The following GPR63 variants were observed in gnomAD, a reference collection of about 807,000 sequenced individuals.
GPR63 encodes G protein-coupled receptor 63, also known as probable G protein-coupled receptor 63.
In GPR63, 12 loss-of-function variants were observed where a neutral mutation model predicts 23.1. The observed-to-expected ratio is 0.52, with a 90% CI of 0.33 to 0.84. The LOEUF is 0.84. GPR63 is among the 40% of genes least tolerant of loss of function. The probability of loss-of-function intolerance (pLI) is 0.02; values close to 1 mark genes in which losing one functional copy is unlikely to be tolerated. For missense variants in GPR63, 472 were observed against 515.6 expected (o/e 0.92, Z 0.82); for synonymous variants, 172 against 191.1 (o/e 0.90, Z 0.82).
intron 1 of GPR63, among the ~76,000 whole-genome samples, chr6:96,819,931 G>C (rs1201163663): frequency 7.5e-6 from 1 of 134,186 alleles, no homozygotes; most frequent in Admixed American, 8.3e-5. Context: ...AGCTGATATC[G>C]CTCACTGCAC....
chr6:96,798,624 T>A lies in GPR63; in HGVS notation c.1108A>T (p.Ile370Phe), dbSNP rs1417061282. Residue 370 changes from isoleucine (I) to phenylalanine (F), a missense_variant, in exon 2 of 2, where the codon ATC becomes TTC. Coordinates refer to ENST00000229955, the MANE Select transcript of GPR63 (RefSeq NM_030784.4). The part of the protein sequence containing the change: ...CYLKSALNPL[I>F]YYWRIKKFHD... ...AATTTCTTAATCCTCCAGTAGTAGATCAGCGGATTCAATGCAGACTTGAGG... is the reference window on the plus strand; with the variant it reads ...AATTTCTTAATCCTCCAGTAGTAGAACAGCGGATTCAATGCAGACTTGAGG... The A allele has an allele frequency of 6.2e-7, 1 of 1,614,188 alleles. No individual in the cohort carries two copies. Among genetic ancestry groups the A allele is most frequent in the South Asian group, 1.1e-5 (1 of 91,084 alleles).
Position 96,799,572 on chromosome 6 carries a change from T to C in GPR63, c.160A>G (p.Thr54Ala). 1 of 1,614,122 alleles carries C rather than the reference T, an allele frequency of 6.2e-7. No individual in the cohort carries two copies. The highest frequency in any genetic ancestry group is 8.5e-7 in the Non-Finnish European group (1 of 1,180,010). Residue 54 changes from threonine (T) to alanine (A), a missense_variant, in exon 2 of 2, where the codon ACT becomes GCT. Coordinates refer to ENST00000229955, the MANE Select transcript of GPR63 (RefSeq NM_030784.4). ...TTCACGGTCAAGGAACTCAAACCAG[T>C]GGGAGCCATGGTTTCAAAACTATAT... ...LRYSFETMAP[T>A]GLSSLTVNST...
chr6:96,812,462 C>T (rs1458184080), intron 1 of GPR63, among the ~76,000 whole-genome samples: 1 of 152,116 alleles, frequency 6.6e-6, no homozygotes, highest in African/African-American at 2.4e-5. Context: ...TCAGGAAGGG[C>T]TCTGGTTCAG....
At chr6:96,815,346 C>G (rs905166467) in intron 1 of GPR63, among the ~76,000 whole-genome samples, 1 of 152,166 alleles carries the variant, frequency 6.6e-6, no homozygotes, top group Non-Finnish European at 1.5e-5. Context: ...GGCTCTGATT[C>G]TACTTATAGG....
Position 96,798,652 on chromosome 6 carries a change from G to A in GPR63, c.1080C>T (p.Cys360=). 1 of 1,614,202 alleles carries A rather than the reference G, an allele frequency of 6.2e-7. No homozygotes were observed. The highest frequency in any genetic ancestry group is 2.2e-5 in the East Asian group (1 of 44,884). The part of the protein sequence containing the change: ...FEISTWLLWL[C]YLKSALNPLI... ...GCGGATTCAATGCAGACTTGAGGTAGCAGAGCCACAGTAGCCAGGTGCTAA... is the reference window on the plus strand; with the variant it reads ...GCGGATTCAATGCAGACTTGAGGTAACAGAGCCACAGTAGCCAGGTGCTAA... The change falls in exon 2 of 2, where the codon TGC becomes TGT. Residue 360 remains cysteine (C), a synonymous_variant. Transcript: ENST00000229955.
At chr6:96,808,347 T>C (rs1335332692) in intron 1 of GPR63, among the ~76,000 whole-genome samples, 2 of 152,236 alleles carry the variant, frequency 1.3e-5, no homozygotes, top group Admixed American at 1.3e-4. Flanking sequence ...TTAACAGTGC[T>C]GAATTTGCTC....
chr6:96,806,176 C>A (rs1582252724), intron 1 of GPR63, among the ~76,000 whole-genome samples: 1 of 152,136 alleles, frequency 6.6e-6, no homozygotes, highest in East Asian at 1.9e-4. Flanking sequence ...GTGGCAAATA[C>A]CCTATGCATG....
At chr6:96,829,874 CAT>C (rs1161515735) in intron 1 of GPR63, among the ~76,000 whole-genome samples, 1 of 151,804 alleles carries the variant, frequency 6.6e-6, no homozygotes, top group Non-Finnish European at 1.5e-5. Flanking sequence ...TAAAAATGAA[CAT>C]GTTAGAAACA....
chr6:96,828,961 T>C (rs1774511041), intron 1 of GPR63, among the ~76,000 whole-genome samples: 1 of 152,108 alleles, frequency 6.6e-6, no homozygotes, highest in East Asian at 1.9e-4. Context: ...CACAAAAATA[T>C]TTAAAAATCT....
rs1019220784 is a variant in GPR63, at chr6:96,795,300, C to G, written c.*3172G>C. The stretch of plus-strand genomic sequence containing the variant: ...GCTTCTTACTAGCCAGAAGGAAAAA[C>G]AGGCAAACAAAAAACCATTTCTGAT... On this transcript the variant is annotated 3_prime_UTR_variant, in exon 2 of 2. Coordinates refer to ENST00000229955, the MANE Select transcript of GPR63 (RefSeq NM_030784.4). The G allele has an allele frequency of 6.6e-6, 1 of 152,164 alleles. No homozygotes were observed. The highest frequency in any genetic ancestry group is 6.5e-5 in the Admixed American group (1 of 15,270). The allele number at this position is 152,164 out of a possible 1,614,324, so 9.4% of individuals were successfully genotyped here. A position where few individuals can be genotyped will look rare whatever the true frequency, so the allele number is the denominator to read the frequency against.
chr6:96,834,639 G>T (rs932273977), intron 1 of GPR63, among the ~76,000 whole-genome samples: 7 of 150,778 alleles, frequency 4.6e-5, no homozygotes, highest in Non-Finnish European at 1.0e-4. Flanking sequence ...ACACATTTCT[G>T]GTAAACAGCT....
intron 1 of GPR63, among the ~76,000 whole-genome samples, chr6:96,824,782 T>C (rs1415571239): frequency 6.6e-6 from 1 of 152,112 alleles, no homozygotes; most frequent in Non-Finnish European, 1.5e-5. Flanking sequence ...GGTTTCCCAC[T>C]GATAGTGTCG....
At chr6:96,834,286 T>C (rs2127963425) in intron 1 of GPR63, among the ~76,000 whole-genome samples, 1 of 152,312 alleles carries the variant, frequency 6.6e-6, no homozygotes, top group African/African-American at 2.4e-5. Context: ...TCATTTGGAA[T>C]GTTCTCATGT....
intron 1 of GPR63, among the ~76,000 whole-genome samples, chr6:96,800,315 C>T (rs1054841491): frequency 1.3e-5 from 2 of 151,992 alleles, no homozygotes; most frequent in African/African-American, 4.8e-5. Context: ...CAAGTTCTTA[C>T]TCTAATTTTA....
intron 1 of GPR63, among the ~76,000 whole-genome samples, chr6:96,832,311 C>T (rs1774605958): frequency 6.6e-6 from 1 of 151,928 alleles, no homozygotes; most frequent in Admixed American, 6.6e-5. Flanking sequence ...GTTGTCCTGG[C>T]TGGAGTGCAA....
intron 1 of GPR63, among the ~76,000 whole-genome samples, chr6:96,831,534 T>C (rs1774580066): frequency 6.6e-6 from 1 of 151,686 alleles, no homozygotes; most frequent in African/African-American, 2.4e-5. Context: ...CAATGAAAAA[T>C]ATCAATGCCC....
intron 1 of GPR63, among the ~76,000 whole-genome samples, chr6:96,825,217 C>G (rs1582273851): frequency 1.3e-5 from 2 of 151,964 alleles, no homozygotes; most frequent in African/African-American, 4.8e-5. Context: ...AGGGCGGGAA[C>G]CACTGCAACA....
rs749557151 is a variant in GPR63 at position 96,799,652 on chromosome 6, A to C, written c.80T>G (p.Met27Arg). ...TTFVVYENTY[M>R]NITLPPPFQH... ...GAATGGTGGAGGGAGTGTAATATTCATGTAGGTGTTTTCATACACGACAAA... is the reference window on the plus strand; with the variant it reads ...GAATGGTGGAGGGAGTGTAATATTCCTGTAGGTGTTTTCATACACGACAAA... The change falls in exon 2 of 2, where the codon ATG becomes AGG. Residue 27 changes from methionine (M) to arginine (R), a missense_variant. Coordinates refer to ENST00000229955, the MANE Select transcript of GPR63 (RefSeq NM_030784.4). 8.7e-6 allele frequency: 14 copies of C among 1,614,170 alleles called. No individual in the cohort carries two copies. Among genetic ancestry groups the C allele is most frequent in the Non-Finnish European group, 1.2e-5 (14 of 1,180,006 alleles).
chr6:96,804,247 A>T (rs1046058537), intron 1 of GPR63, among the ~76,000 whole-genome samples: 26 of 151,828 alleles, frequency 1.7e-4, no homozygotes, highest in Non-Finnish European at 1.5e-5. Context: ...GCTTTATTTT[A>T]TTTTTTTGAG....
Sources: gnomAD v4.1 joint callset for allele counts (sites outside exome capture counted in the v4.1 genomes callset) on GRCh38, gnomAD v4.1.1 for gene constraint, MANE v1.5 for transcripts, NCBI Gene and HGNC (gene_info 2026-07-23, HGNC 2026-07-21) for gene names.